The following ESR1 variants were observed in gnomAD, a reference collection of about 807,000 sequenced individuals.
ESR1 encodes estrogen receptor.
Under a neutral mutation model 52.7 loss-of-function variants are expected in ESR1, and 12 were observed. The ratio of observed to expected loss-of-function variants is 0.23; its 90% CI spans 0.15 to 0.37. The LOEUF is 0.37. ESR1 is among the 10% of genes least tolerant of loss of function. The pLI is 1.00. For synonymous variants in ESR1, 305 were observed against 316.8 expected, an observed-to-expected ratio of 0.96 and a Z score of 0.39; for missense variants, 584 against 779.7, an observed-to-expected ratio of 0.75 and a Z score of 2.99.
At chr6:151,875,499 A>G (rs1422137662) in intron 2 of ESR1, among the ~76,000 whole-genome samples, 2 of 152,220 alleles carry the variant, frequency 1.3e-5, no homozygotes, top group African/African-American at 2.4e-5. Context: ...CTCAGGATCA[A>G]TAGCCATAAA....
At chr6:151,903,500 G>C (rs574541154) in intron 3 of ESR1, among the ~76,000 whole-genome samples, 137 of 152,090 alleles carry the variant, frequency 9.0e-4, no homozygotes, top group Non-Finnish European at 1.7e-3. Flanking sequence ...CTCACCTCCA[G>C]TTCTGATCTT....
At chr6:151,749,136 G>A (rs1333726735) in intron 2 of ESR1, among the ~76,000 whole-genome samples, 2 of 147,486 alleles carry the variant, frequency 1.4e-5, no homozygotes, top group African/African-American at 5.0e-5. Flanking sequence ...CATAGGCTAA[G>A]CTACTGTGAA....
intron 2 of ESR1, among the ~76,000 whole-genome samples, chr6:151,737,170 T>C (rs752231246): frequency 1.2e-4 from 18 of 152,344 alleles, no homozygotes; most frequent in Non-Finnish European, 1.3e-4. Flanking sequence ...TTTATGGAAG[T>C]ACATCATTTC....
At chr6:151,693,915 G>A (rs894736646) in intron 1 of ESR1, among the ~76,000 whole-genome samples, 8 of 152,326 alleles carry the variant, frequency 5.3e-5, no homozygotes, top group African/African-American at 1.9e-4. Context: ...AGCATACCCG[G>A]TTGTATGCTG....
chr6:151,954,582 T>C (rs1184897337), intron 4 of ESR1, among the ~76,000 whole-genome samples: 1 of 152,220 alleles, frequency 6.6e-6, no homozygotes, highest in African/African-American at 2.4e-5. Context: ...TCTGGAGATG[T>C]TAAGTGTCTC....
upstream of ESR1, among the ~76,000 whole-genome samples, chr6:151,686,088 T>A (rs74805909): frequency 1.1e-3 from 160 of 143,128 alleles, no homozygotes; most frequent in East Asian, 2.4e-3. Context: ...TTTTTTTTTT[T>A]ATTTAGAGAC....
intron 1 of ESR1, among the ~76,000 whole-genome samples, chr6:151,694,606 G>A (rs1483566905): frequency 6.6e-6 from 1 of 152,086 alleles, no homozygotes; most frequent in Non-Finnish European, 1.5e-5. Flanking sequence ...TGGCCAACAC[G>A]GTGAAACCCG....
chr6:151,876,973 A>AC (rs1791931936), intron 2 of ESR1, among the ~76,000 whole-genome samples: 1 of 151,950 alleles, frequency 6.6e-6, no homozygotes, highest in Admixed American at 6.6e-5. Context: ...AGTTAAAAAA[A>AC]AACACACACA....
chr6:151,760,380 G>A (rs949316561), intron 2 of ESR1, among the ~76,000 whole-genome samples: 1 of 152,212 alleles, frequency 6.6e-6, no homozygotes. Context: ...CAACAAACAA[G>A]CATCTAGAAA....
chr6:151,878,739 T>C (rs1792278950), intron 2 of ESR1, among the ~76,000 whole-genome samples: 1 of 152,218 alleles, frequency 6.6e-6, no homozygotes, highest in Non-Finnish European at 1.5e-5. Flanking sequence ...ATACATAACT[T>C]CCTTAGTCTA....
At chr6:152,023,932 T>C (rs576320718) in intron 5 of ESR1, among the ~76,000 whole-genome samples, 6 of 152,192 alleles carry the variant, frequency 3.9e-5, no homozygotes, top group Non-Finnish European at 7.4e-5. Context: ...ACTGGAACAC[T>C]GTCACATATG....
intron 3 of ESR1, among the ~76,000 whole-genome samples, chr6:151,917,383 T>C (rs1330665700): frequency 1.3e-5 from 2 of 152,234 alleles, no homozygotes; most frequent in Non-Finnish European, 2.9e-5. Flanking sequence ...GAAAAATATG[T>C]ATTCCCTTTC....
At chr6:152,002,124 T>G (rs1479905478) in intron 4 of ESR1, among the ~76,000 whole-genome samples, 1 of 151,872 alleles carries the variant, frequency 6.6e-6, no homozygotes, top group Admixed American at 6.6e-5. Flanking sequence ...CTTAATCCAT[T>G]CCAGAACTAT....
At chr6:151,679,448 C>G (rs1332080265) in intron 1 of ESR1, among the ~76,000 whole-genome samples, 1 of 152,168 alleles carries the variant, frequency 6.6e-6, no homozygotes, top group African/African-American at 2.4e-5. Context: ...CTCCCAGGTT[C>G]GAGCAAATCT....
At chr6:152,030,152 G>A (rs1003359818) in intron 5 of ESR1, among the ~76,000 whole-genome samples, 33 of 152,110 alleles carry the variant, frequency 2.2e-4, no homozygotes, top group Admixed American at 7.2e-4. Context: ...CACTAAACAC[G>A]GAAAGGAACA....
intron 3 of ESR1, among the ~76,000 whole-genome samples, chr6:151,883,279 C>T (rs946505999): frequency 1.5e-5 from 2 of 129,232 alleles, no homozygotes; most frequent in Non-Finnish European, 3.2e-5. Flanking sequence ...GCCACCATAC[C>T]CAGCTAATTT....
In ESR1 at chr6:151,672,768, C is replaced by T. The variant is rs202177628; in HGVS notation, n.73+16005C>T. On this transcript the variant is annotated intron_variant and non_coding_transcript_variant, in intron 1 of 2. Transcript: ENST00000473497. ...GATTACAGGCGTGAGCCACCATGCCCGCCCTAAACCTTTTTTAAAAATATG... is the reference window on the plus strand; with the variant it reads ...GATTACAGGCGTGAGCCACCATGCCTGCCCTAAACCTTTTTTAAAAATATG... Among the ~76,000 whole-genome samples the T allele has an allele frequency of 1.2e-4, 18 of 151,620 alleles. No homozygotes were observed. The East Asian group carries it at 2.3e-3, about 20-fold the overall frequency.
At chr6:151,916,686 CA>C (rs1439095047) in intron 3 of ESR1, among the ~76,000 whole-genome samples, 1 of 152,030 alleles carries the variant, frequency 6.6e-6, no homozygotes. Context: ...TTGCCCAGAT[CA>C]ATATTTTAGG....
At chr6:152,009,156 T>C (rs2042570063) in intron 4 of ESR1, among the ~76,000 whole-genome samples, 1 of 152,070 alleles carries the variant, frequency 6.6e-6, no homozygotes, top group Admixed American at 6.6e-5. Context: ...TTTTTCATCT[T>C]TTACTTATCC....
Sources: allele counts gnomAD v4.1 joint callset (sites outside exome capture counted in the v4.1 genomes callset), GRCh38; gene constraint gnomAD v4.1.1; transcripts MANE v1.5; gene names NCBI Gene and HGNC (gene_info 2026-07-23, HGNC 2026-07-21).